The following KCNK1 variants were observed in gnomAD, a reference collection of about 807,000 sequenced individuals.
KCNK1 encodes potassium two pore domain channel subfamily K member 1.
Under a neutral mutation model 22.2 loss-of-function variants are expected in KCNK1, and 10 were observed. The ratio of observed to expected loss-of-function variants is 0.45; its 90% confidence interval spans 0.28 to 0.76. KCNK1 has a LOEUF of 0.76. KCNK1 is among the 30% of genes least tolerant of loss of function. The probability of loss-of-function intolerance (pLI) is 0.14; values close to 1 mark genes in which losing one functional copy is unlikely to be tolerated. For synonymous variants in KCNK1, 200 were observed against 186.4 expected, an observed-to-expected ratio of 1.07 and a Z score of -0.60; for missense variants, 378 against 421.0, an observed-to-expected ratio of 0.90 and a Z score of 0.89.
chr1:233,655,382 T>A (rs1658271958), intron 1 of KCNK1, among the ~76,000 whole-genome samples: 1 of 152,208 alleles, frequency 6.6e-6, no homozygotes, highest in African/African-American at 2.4e-5. Context: ...ATGTAGGTGC[T>A]GTTTAAATGA....
chr1:233,655,544 C>G lies in KCNK1; in HGVS notation c.356-11051C>G, dbSNP rs1658276667. Among the ~76,000 whole-genome samples the G allele has an allele frequency of 2.0e-5, 3 of 152,126 alleles. No individual in the cohort carries two copies. The South Asian group carries it at 6.2e-4, about 31-fold the overall frequency. On this transcript the variant is annotated intron_variant, in intron 1 of 2. Coordinates refer to ENST00000366621, the MANE Select transcript of KCNK1 (RefSeq NM_002245.4). ...TTATGGTCTGAGTGTTTGTGTCTCT[C>G]CCAAATTTATATGTTGAAATCCTAA...
rs756601831 is a variant in KCNK1 at position 233,614,312 on chromosome 1, C to T, written c.141C>T (p.Pro47=). 1.9e-6 allele frequency: 3 copies of T among 1,612,416 alleles called. No individual in the cohort carries two copies. Among genetic ancestry groups the T allele is most frequent in the Non-Finnish European group, 2.5e-6 (3 of 1,179,418 alleles). The stretch of plus-strand genomic sequence containing the variant: ...TGGTCTTCTCCTCGGTGGAGCTGCC[C>T]TATGAGGACCTGCTGCGCCAGGAGC... ...GAVVFSSVEL[P]YEDLLRQELR... is the part of the protein sequence containing the mutation. The change falls in exon 1 of 3, where the codon CCC becomes CCT. Residue 47 remains proline (P), a synonymous_variant. Coordinates refer to ENST00000366621, the MANE Select transcript of KCNK1 (RefSeq NM_002245.4).
chr1:233,653,278 C>A (rs1000193819), intron 1 of KCNK1, among the ~76,000 whole-genome samples: 1 of 152,210 alleles, frequency 6.6e-6, no homozygotes, highest in Non-Finnish European at 1.5e-5. Flanking sequence ...CACAGCATGG[C>A]ATGGCATGCC....
At chr1:233,669,854 C>G (rs1380614893) in intron 2 of KCNK1, among the ~76,000 whole-genome samples, 4 of 152,088 alleles carry the variant, frequency 2.6e-5, no homozygotes, top group Non-Finnish European at 5.9e-5. Context: ...ATTAGTCTAA[C>G]AATGTCATTA....
intron 1 of KCNK1, among the ~76,000 whole-genome samples, chr1:233,626,561 CT>C (rs1657693060): frequency 6.6e-6 from 1 of 152,068 alleles, no homozygotes; most frequent in African/African-American, 2.4e-5. Context: ...CTGAAGAAGG[CT>C]TTTGGGGGTG....
rs143945189 is a variant in KCNK1, at chr1:233,666,751, G to T, written c.512G>T (p.Arg171Leu). 3.7e-6 allele frequency: 6 copies of T among 1,614,132 alleles called. No homozygotes were observed. Among genetic ancestry groups the T allele is most frequent in the Non-Finnish European group, 5.1e-6 (6 of 1,180,036 alleles). Reference sequence around the variant, plus strand: ...AGGCCGGTCCTCTACTTCCACATCCGCTGGGGCTTCTCCAAGCAGGTGGTG... The same window carrying T: ...AGGCCGGTCCTCTACTTCCACATCCTCTGGGGCTTCTCCAAGCAGGTGGTG... ...TRRPVLYFHI[R>L]WGFSKQVVAI... The change falls in exon 2 of 3, where the codon CGC becomes CTC. Residue 171 changes from arginine (R) to leucine (L), a missense_variant. Physicochemically the swap from Arg to Leu is moderately radical, Grantham distance 102. Coordinates refer to ENST00000366621, the MANE Select transcript of KCNK1 (RefSeq NM_002245.4).
chr1:233,638,414 A>C (rs563252647), intron 1 of KCNK1, among the ~76,000 whole-genome samples: 1 of 84,442 alleles, frequency 1.2e-5, no homozygotes, highest in East Asian at 3.8e-4. Flanking sequence ...CAATACCTAA[A>C]AAAGAGAGAA....
intron 1 of KCNK1, among the ~76,000 whole-genome samples, chr1:233,639,581 C>T (rs1657968162): frequency 6.6e-6 from 1 of 152,204 alleles, no homozygotes. Context: ...TAACGTCTGA[C>T]AAAGCATTGA....
intron 1 of KCNK1, among the ~76,000 whole-genome samples, chr1:233,632,682 A>G (rs1020029533): frequency 6.6e-6 from 1 of 151,982 alleles, no homozygotes; most frequent in Non-Finnish European, 1.5e-5. Flanking sequence ...CCTTCCCTGC[A>G]TTGGTGCTTC....
chr1:233,637,585 T>A (rs1014993128), intron 1 of KCNK1, among the ~76,000 whole-genome samples: 2 of 152,238 alleles, frequency 1.3e-5, no homozygotes, highest in African/African-American at 4.8e-5. Context: ...TGCAAGTTTA[T>A]CTTTTCTTAA....
intron 1 of KCNK1, among the ~76,000 whole-genome samples, chr1:233,617,096 C>T (rs1161602130): frequency 6.6e-6 from 1 of 151,738 alleles, no homozygotes; most frequent in Non-Finnish European, 1.5e-5. Context: ...AGGCAAATCA[C>T]TGAGATAATT....
At chr1:233,646,778 G>A (rs532514083) in intron 1 of KCNK1, among the ~76,000 whole-genome samples, 1 of 152,254 alleles carries the variant, frequency 6.6e-6, no homozygotes, top group East Asian at 1.9e-4. Flanking sequence ...GGCAGAACAG[G>A]GGACTCAGTT....
Position 233,671,399 on chromosome 1 carries a change from A to T in KCNK1, c.880A>T (p.Ile294Leu), listed in dbSNP as rs781062486. ...KDKDEDQVHI[I>L]EHDQLSFSSI... ...CAAGGACGAGGATCAGGTGCACATC[A>T]TAGAGCATGACCAACTGTCCTTCTC... Residue 294 changes from isoleucine (I) to leucine (L), a missense_variant, in exon 3 of 3, where the codon ATA becomes TTA. By Grantham distance (5) the Ile-to-Leu change is conservative. Transcript: ENST00000366621. The T allele has an allele frequency of 6.2e-7, 1 of 1,614,236 alleles. No individual in the cohort carries two copies. The highest frequency in any genetic ancestry group is 8.5e-7 in the Non-Finnish European group (1 of 1,180,040).
At chr1:233,623,182 C>T (rs1657621504) in intron 1 of KCNK1, among the ~76,000 whole-genome samples, 1 of 144,408 alleles carries the variant, frequency 6.9e-6, no homozygotes, top group Non-Finnish European at 1.5e-5. Flanking sequence ...CAAAAAGAAA[C>T]AATGGAAGAT....
chr1:233,621,481 C>G (rs1367622934), intron 1 of KCNK1, among the ~76,000 whole-genome samples: 3 of 152,174 alleles, frequency 2.0e-5, no homozygotes, highest in African/African-American at 7.2e-5. Context: ...TTTAGTCTTG[C>G]AACGAACAAT....
In KCNK1 at chr1:233,614,118, G is replaced by A. The variant is rs1657435131; in HGVS notation, c.-54G>A. 1 of 1,295,386 alleles carries A rather than the reference G, an allele frequency of 7.7e-7. No individual in the cohort carries two copies. The highest frequency in any genetic ancestry group is 1.6e-5 in the African/African-American group (1 of 63,904). The allele number at this position is 1,295,386 out of a possible 1,614,324, so 80.2% of individuals were successfully genotyped here. On this transcript the variant is annotated 5_prime_UTR_variant, in exon 1 of 3. Coordinates refer to ENST00000366621, the MANE Select transcript of KCNK1 (RefSeq NM_002245.4). ...GGGCGGCGGGGCCAGAAGAGGCGGC[G>A]GGCCGCGCTCCGGCCGGTCTGCGGC...
chr1:233,654,167 A>G (rs1237500264), intron 1 of KCNK1, among the ~76,000 whole-genome samples: 1 of 150,834 alleles, frequency 6.6e-6, no homozygotes, highest in African/African-American at 2.4e-5. Context: ...AATGAGGACC[A>G]TGTTATTGGA....
At chr1:233,669,199 A>G (rs1658552601) in intron 2 of KCNK1, among the ~76,000 whole-genome samples, 1 of 152,084 alleles carries the variant, frequency 6.6e-6, no homozygotes, top group African/African-American at 2.4e-5. Context: ...GTTTTGTTTT[A>G]TTTTATTTTA....
chr1:233,652,600 G>A (rs1658221365), intron 1 of KCNK1, among the ~76,000 whole-genome samples: 1 of 152,156 alleles, frequency 6.6e-6, no homozygotes. Context: ...CTGGAGTGAG[G>A]GGGAACAAGA....
Sources: gnomAD v4.1 joint callset for allele counts (sites outside exome capture counted in the v4.1 genomes callset) on GRCh38, gnomAD v4.1.1 for gene constraint, MANE v1.5 for transcripts, NCBI Gene and HGNC (gene_info 2026-07-23, HGNC 2026-07-21) for gene names.